SMOC2: variants seen among roughly 807,000 people sequenced by gnomAD.
SMOC2 encodes SPARC-related modular calcium-binding protein 2.
A neutral mutation model predicts 61.4 loss-of-function variants in SMOC2; 39 were observed. That is an observed-to-expected ratio of 0.64 (90% CI 0.49 to 0.83). SMOC2 has a LOEUF of 0.83. Ranked by LOEUF, SMOC2 falls within the 40% of genes least tolerant of loss-of-function variation. SMOC2 has a pLI of 0.00. For missense variants in SMOC2, 556 were observed against 592.9 expected, an observed-to-expected ratio of 0.94 and a Z score of 0.65; for synonymous variants, 247 against 239.9, an observed-to-expected ratio of 1.03 and a Z score of -0.27.
rs1257334094 is a variant in SMOC2 at position 168,539,961 on chromosome 6, G to T, written c.464-3664G>T. Among the ~76,000 whole-genome samples the T allele has an allele frequency of 2.0e-5, 3 of 152,182 alleles. No homozygotes were observed. The South Asian group carries it at 6.2e-4, about 32-fold the overall frequency. ...CTCACTTTCCTTGTCTGTATAACGGGCATGATGGCAGTCCCACCTCGCAGG... is the reference window on the plus strand; with the variant it reads ...CTCACTTTCCTTGTCTGTATAACGGTCATGATGGCAGTCCCACCTCGCAGG... On this transcript the variant is annotated intron_variant, in intron 4 of 12. Coordinates refer to ENST00000356284, the MANE Select transcript of SMOC2 (RefSeq NM_001166412.2).
chr6:168,488,011 T>G (rs1782375042), intron 1 of SMOC2, among the ~76,000 whole-genome samples: 1 of 152,192 alleles, frequency 6.6e-6, no homozygotes, highest in South Asian at 2.1e-4. Context: ...GAGGAGTATT[T>G]TACTGCTTTT....
At chr6:168,474,160 AG>A (rs1782028067) in intron 1 of SMOC2, among the ~76,000 whole-genome samples, 1 of 152,004 alleles carries the variant, frequency 6.6e-6, no homozygotes, top group African/African-American at 2.4e-5. Context: ...TGGGGAGGAA[AG>A]CCCCCTGGGG....
chr6:168,639,126 G>A (rs529880210), intron 9 of SMOC2, among the ~76,000 whole-genome samples: 2 of 152,292 alleles, frequency 1.3e-5, no homozygotes, highest in South Asian at 4.1e-4. Context: ...AGCACTGAGC[G>A]TCCTTTGTTC....
In SMOC2 at chr6:168,609,524, G is replaced by A. The variant is rs6455539; in HGVS notation, c.907+1285G>A. Among the ~76,000 whole-genome samples, 1,522 of 152,258 alleles carry A rather than the reference G, an allele frequency of 1.0e-2. 24 individuals carry two copies. The highest frequency in any genetic ancestry group is 0.035 in the African/African-American group (1,439 of 41,532). ...TGAAGGGTGTTTTGCCTTTGACCCC[G>A]TGTCTGCAGGCTGTGCTCAGCTGCT... On this transcript the variant is annotated intron_variant, in intron 9 of 12. Coordinates refer to ENST00000356284, the MANE Select transcript of SMOC2 (RefSeq NM_001166412.2).
At chr6:168,603,655 A>T (rs911937515) in intron 8 of SMOC2, among the ~76,000 whole-genome samples, 3 of 152,024 alleles carry the variant, frequency 2.0e-5, no homozygotes, top group Non-Finnish European at 4.4e-5. Context: ...TAAGCCAAAC[A>T]CATCACACTT....
chr6:168,472,419 A>T (rs1781984716), intron 1 of SMOC2, among the ~76,000 whole-genome samples: 1 of 152,108 alleles, frequency 6.6e-6, no homozygotes, highest in Admixed American at 6.5e-5. Flanking sequence ...ATTTATTTTT[A>T]TGCCCTCTTC....
chr6:168,613,678 C>T (rs1340531324), intron 9 of SMOC2, among the ~76,000 whole-genome samples: 1 of 143,920 alleles, frequency 6.9e-6, no homozygotes, highest in Non-Finnish European at 1.5e-5. Context: ...CACCTACAGC[C>T]AGCACAGGGC....
chr6:168,494,606 G>T (rs1339427021), intron 1 of SMOC2, among the ~76,000 whole-genome samples: 1 of 152,254 alleles, frequency 6.6e-6, no homozygotes, highest in Non-Finnish European at 1.5e-5. Context: ...TGAGTGGGCA[G>T]TGCCCTTTGA....
At chr6:168,659,745 A>AGGGT (rs1481207597) in intron 11 of SMOC2, among the ~76,000 whole-genome samples, 1 of 150,118 alleles carries the variant, frequency 6.7e-6, no homozygotes, top group African/African-American at 2.5e-5. Context: ...AGGTTGGGTG[A>AGGGT]GGATGGAGGT....
At chr6:168,537,882 GAC>G (rs1221060723) in intron 4 of SMOC2, among the ~76,000 whole-genome samples, 2 of 152,248 alleles carry the variant, frequency 1.3e-5, no homozygotes, top group Non-Finnish European at 2.9e-5. Flanking sequence ...GGCACCTGGG[GAC>G]AGTTTCTCAG....
chr6:168,588,911 T>A (rs2115169592), intron 7 of SMOC2, among the ~76,000 whole-genome samples: 1 of 151,912 alleles, frequency 6.6e-6, no homozygotes, highest in African/African-American at 2.4e-5. Flanking sequence ...CCAACATCTC[T>A]ACTAAAAAAA....
chr6:168,598,385 C>G (rs1235535268), intron 7 of SMOC2, among the ~76,000 whole-genome samples: 1 of 152,180 alleles, frequency 6.6e-6, no homozygotes, highest in Non-Finnish European at 1.5e-5. Context: ...GCCCTGGGGC[C>G]CGCTCTGAGG....
chr6:168,583,689 C>T (rs4708751), intron 7 of SMOC2, among the ~76,000 whole-genome samples: 32,129 of 152,224 alleles, frequency 0.21, 3,797 homozygotes, highest in South Asian at 0.29. Flanking sequence ...GCTCCCCAAC[C>T]TCCTGCTGGC....
intron 2 of SMOC2, among the ~76,000 whole-genome samples, chr6:168,512,584 C>G (rs927063774): frequency 1.3e-5 from 2 of 152,208 alleles, no homozygotes; most frequent in Admixed American, 6.5e-5. Context: ...AGTATCATAG[C>G]TGAATCCCAA....
rs1781508007 is a variant in SMOC2 at position 168,453,351 on chromosome 6, A to G, written c.84+11897A>G. Among the ~76,000 whole-genome samples the G allele has an allele frequency of 6.6e-6, 1 of 151,622 alleles. No homozygotes were observed. Among genetic ancestry groups the G allele is most frequent in the South Asian group, 2.1e-4 (1 of 4,804 alleles). On this transcript the variant is annotated intron_variant, in intron 1 of 12. Transcript: ENST00000356284. This position sits in a 1 kb window ranked among gnomAD's most constrained non-coding sequence, Gnocchi z 4.4. ...GCCTTTGTCTCCGGGTCTCCTCCTC[A>G]CTCTTCTCAGTCTACCCTGGAGTTC...
At chr6:168,537,198 A>G (rs1783752844) in intron 4 of SMOC2, among the ~76,000 whole-genome samples, 1 of 150,418 alleles carries the variant, frequency 6.6e-6, no homozygotes, top group Non-Finnish European at 1.5e-5. Context: ...CTTGAGAAGC[A>G]CTTGCTTAGC....
At chr6:168,615,850 A>G (rs1583163349) in intron 9 of SMOC2, among the ~76,000 whole-genome samples, 1 of 152,304 alleles carries the variant, frequency 6.6e-6, no homozygotes, top group Non-Finnish European at 1.5e-5. Flanking sequence ...CCTTAGAGGC[A>G]ACACCTGGAT....
At chr6:168,490,102 C>T (rs187555593) in intron 1 of SMOC2, among the ~76,000 whole-genome samples, 1 of 151,204 alleles carries the variant, frequency 6.6e-6, no homozygotes, top group Non-Finnish European at 1.5e-5. Context: ...TCGTCTGGGT[C>T]CCCTTGGATC....
intron 4 of SMOC2, among the ~76,000 whole-genome samples, chr6:168,530,653 C>T (rs1248794456): frequency 9.3e-5 from 14 of 149,830 alleles, no homozygotes. Context: ...CCCCCCCCGC[C>T]CCCACACCCA....
Sources: gnomAD v4.1 joint callset for allele counts (sites outside exome capture counted in the v4.1 genomes callset) on GRCh38, gnomAD v4.1.1 for gene constraint, Gnocchi (gnomAD v3.1) non-coding constraint, MANE v1.5 for transcripts, NCBI Gene and HGNC (gene_info 2026-07-23, HGNC 2026-07-21) for gene names.